AKAP7: variants seen among roughly 807,000 people sequenced by gnomAD.
The protein encoded by AKAP7 is A kinase (PRKA) anchor protein 7.
A neutral mutation model predicts 39.5 loss-of-function variants in AKAP7; 39 were observed. That is an observed-to-expected ratio of 0.99 (90% confidence interval 0.76 to 1.29). AKAP7 has a LOEUF of 1.29. Ranked by LOEUF, AKAP7 falls within the 50% of genes most tolerant of loss-of-function variation. AKAP7 has a pLI of 0.00. For synonymous variants in AKAP7, 140 were observed against 139.1 expected, an observed-to-expected ratio of 1.01 and a Z score of -0.05; for missense variants, 414 against 407.7, an observed-to-expected ratio of 1.02 and a Z score of -0.13.
chr6:131,185,391 C>G, intron 5 of AKAP7: 1 of 526,336 alleles, frequency 1.9e-6, no homozygotes, highest in Non-Finnish European at 3.6e-6. Context: ...CTGTGCTCAG[C>G]ACAGAGGTGG....
At chr6:131,202,502 T>A (rs914742587) in intron 6 of AKAP7, among the ~76,000 whole-genome samples, 3 of 150,844 alleles carry the variant, frequency 2.0e-5, no homozygotes, top group Middle Eastern at 6.8e-3. Context: ...CAGTAAACTA[T>A]CGCAAGGACA....
At chr6:131,245,775 G>A (rs1346131309) in intron 7 of AKAP7, among the ~76,000 whole-genome samples, 1 of 152,002 alleles carries the variant, frequency 6.6e-6, no homozygotes, top group African/African-American at 2.4e-5. Flanking sequence ...GGTATGTCTC[G>A]TCTCCTAAGG....
intron 3 of AKAP7, 26 bp downstream of exon 3, chr6:131,160,224 A>C (rs755290104): frequency 2.5e-6 from 4 of 1,580,176 alleles, no homozygotes; most frequent in Non-Finnish European, 3.4e-6. Context: ...AGTTATTTTT[A>C]CTGTGAAATT....
At chr6:131,200,342 A>G (rs1405978416) in intron 6 of AKAP7, among the ~76,000 whole-genome samples, 2 of 152,148 alleles carry the variant, frequency 1.3e-5, no homozygotes, top group Non-Finnish European at 2.9e-5. Context: ...GGGGTTCCTC[A>G]TGCAAATTCA....
intron 7 of AKAP7, among the ~76,000 whole-genome samples, chr6:131,234,909 TC>T (rs1357240567): frequency 6.6e-6 from 1 of 151,968 alleles, no homozygotes; most frequent in African/African-American, 2.4e-5. Flanking sequence ...TATTATTATT[TC>T]TTTTTTTTAT....
At chr6:131,225,449 T>G (rs1004652240) in intron 7 of AKAP7, among the ~76,000 whole-genome samples, 1 of 152,194 alleles carries the variant, frequency 6.6e-6, no homozygotes, top group African/African-American at 2.4e-5. Flanking sequence ...GAGTTGAGAG[T>G]AAAGATATTA....
At chr6:131,135,316 A>C (rs2128220833), upstream of AKAP7, among the ~76,000 whole-genome samples, 1 of 152,318 alleles carries the variant, frequency 6.6e-6, no homozygotes, top group East Asian at 1.9e-4. Context: ...CTCGGCAGGC[A>C]GGCGAAGACC....
At chr6:131,188,753 A>G (rs919979748) in intron 5 of AKAP7, among the ~76,000 whole-genome samples, 3 of 143,598 alleles carry the variant, frequency 2.1e-5, no homozygotes, top group Non-Finnish European at 4.5e-5. Flanking sequence ...GGGTTTCACC[A>G]TGTTGCCCAG....
intron 7 of AKAP7, among the ~76,000 whole-genome samples, chr6:131,231,429 G>T (rs180699277): frequency 6.6e-6 from 1 of 151,824 alleles, no homozygotes; most frequent in Non-Finnish European, 1.5e-5. Context: ...TACTTAGACC[G>T]ATTAAGATGA....
At chr6:131,152,689 A>T (rs4591867) in intron 2 of AKAP7, among the ~76,000 whole-genome samples, 97,601 of 151,498 alleles carry the variant, frequency 0.64, 32,452 homozygotes, top group African/African-American at 0.77. Flanking sequence ...TAGCTGGGCA[A>T]GGTGGTACAT....
intron 5 of AKAP7, among the ~76,000 whole-genome samples, chr6:131,178,191 A>G (rs1177024741): frequency 2.0e-5 from 3 of 152,190 alleles, no homozygotes; most frequent in Non-Finnish European, 4.4e-5. Context: ...CCTGGCACAA[A>G]GTGAGCTTTG....
intron 6 of AKAP7, among the ~76,000 whole-genome samples, chr6:131,217,690 T>C (rs1410260803): frequency 6.6e-6 from 1 of 152,246 alleles, no homozygotes; most frequent in African/African-American, 2.4e-5. Flanking sequence ...GTTTACCTTT[T>C]GCTGAAATTA....
At chr6:131,210,402 C>A (rs1020963733) in intron 6 of AKAP7, among the ~76,000 whole-genome samples, 11 of 152,224 alleles carry the variant, frequency 7.2e-5, no homozygotes, top group Non-Finnish European at 1.5e-4. Flanking sequence ...TTACTCATAT[C>A]ATCTTAGGGA....
the AKAP7 span, among the ~76,000 whole-genome samples, chr6:131,130,282 T>C: frequency 5.3e-5 from 8 of 152,074 alleles, no homozygotes; most frequent in South Asian, 2.1e-4. Context: ...CTTAGCAGAG[T>C]GTAATGTGTA....
chr6:131,273,841 C>T (rs982304439), intron 7 of AKAP7, among the ~76,000 whole-genome samples: 12 of 151,762 alleles, frequency 7.9e-5, no homozygotes, highest in Admixed American at 1.3e-4. Flanking sequence ...GGTCAGCTGA[C>T]GATGAATTCA....
intron 7 of AKAP7, among the ~76,000 whole-genome samples, chr6:131,227,256 T>C (rs17651884): frequency 0.027 from 4,141 of 152,214 alleles, 126 homozygotes; most frequent in African/African-American, 0.074. Flanking sequence ...CCTGATACAA[T>C]GAAAGAGAAG....
chr6:131,137,693 C>G (rs1351495632), intron 1 of AKAP7: 1 of 152,014 alleles, frequency 6.6e-6, no homozygotes, highest in African/African-American at 2.4e-5. Context: ...ACCCTGTTGG[C>G]CTGTTTTTGA....
chr6:131,281,505 C>T lies in AKAP7; in HGVS notation c.851-25C>T, dbSNP rs1376071138. The stretch of plus-strand genomic sequence containing the variant: ...TCTATGGCAATGTGATCTCAGTGAC[C>T]TCTCTTCTCTATTGTGGAATGTAGG... On this transcript the variant is annotated intron_variant, in intron 7 of 7. Transcript: ENST00000431975. This position sits in a 1 kb window ranked among gnomAD's most constrained non-coding sequence, Gnocchi z 4.0. 1 of 1,543,632 alleles carries T rather than the reference C, an allele frequency of 6.5e-7. No homozygotes were observed. The highest frequency in any genetic ancestry group is 8.8e-7 in the Non-Finnish European group (1 of 1,142,006).
At chr6:131,223,410 A>C (rs2128300375) in intron 7 of AKAP7, among the ~76,000 whole-genome samples, 1 of 152,350 alleles carries the variant, frequency 6.6e-6, no homozygotes, top group African/African-American at 2.4e-5. Flanking sequence ...CCAAATTTTC[A>C]TTAGACATCT....
Sources: gnomAD v4.1 joint callset for allele counts (sites outside exome capture counted in the v4.1 genomes callset) on GRCh38, gnomAD v4.1.1 for gene constraint, Gnocchi (gnomAD v3.1) non-coding constraint, MANE v1.5 for transcripts, NCBI Gene and HGNC (gene_info 2026-07-23, HGNC 2026-07-21) for gene names.